Variants in ZNF169 observed in about 807,000 individuals in gnomAD.
ZNF169 encodes the protein zinc finger protein 169.
Under a neutral mutation model 12.0 loss-of-function variants are expected in ZNF169, and 11 were observed. That is an observed-to-expected ratio of 0.92 (90% CI 0.58 to 1.52). The LOEUF is 1.52. Among genes scored for constraint, ZNF169 ranks in the 40% most tolerant of loss-of-function variants. The pLI is 0.00. For missense variants in ZNF169, 722 were observed against 744.0 expected, an observed-to-expected ratio of 0.97 and a Z score of 0.34; for synonymous variants, 302 against 286.5, an observed-to-expected ratio of 1.05 and a Z score of -0.55.
At chr9:94,273,452 C>A (rs900435349) in intron 1 of ZNF169, among the ~76,000 whole-genome samples, 1 of 150,914 alleles carries the variant, frequency 6.6e-6, no homozygotes, top group African/African-American at 2.4e-5. Flanking sequence ...TTATTACTTC[C>A]TTTCTTCTTA....
At chr9:94,282,258 A>G (rs190567531) in intron 2 of ZNF169, among the ~76,000 whole-genome samples, 1 of 147,558 alleles carries the variant, frequency 6.8e-6, no homozygotes, top group African/African-American at 2.5e-5. Flanking sequence ...TTTGGGCAAG[A>G]TAAAAAAAAT....
chr9:94,300,357 T>G lies in ZNF169; in HGVS notation c.799T>G (p.Cys267Gly). The part of the protein sequence containing the change: ...TGEKPYLCPE[C>G]GRRFSQKASL... Reference sequence around the variant, plus strand: ...GGAGAAGCCATACCTGTGTCCTGAGTGTGGGCGTCGGTTTAGCCAGAAGGC... The same window carrying G: ...GGAGAAGCCATACCTGTGTCCTGAGGGTGGGCGTCGGTTTAGCCAGAAGGC... The change falls in exon 5 of 5, where the codon TGT becomes GGT. Residue 267 changes from cysteine (C) to glycine (G), a missense_variant. Transcript: ENST00000395395. The G allele has an allele frequency of 6.2e-7, 1 of 1,613,814 alleles. No homozygotes were observed. The highest frequency in any genetic ancestry group is 8.5e-7 in the Non-Finnish European group (1 of 1,179,934).
intron 1 of ZNF169, among the ~76,000 whole-genome samples, chr9:94,277,747 C>T (rs1037171611): frequency 2.4e-4 from 37 of 151,688 alleles, no homozygotes; most frequent in African/African-American, 8.5e-4. Flanking sequence ...CTGGCTAACA[C>T]AGTGAAACCC....
At position 94,279,264 on chromosome 9, in the gene ZNF169, G is replaced by A. The variant is rs185604634; in HGVS notation, c.33+419G>A. Among the ~76,000 whole-genome samples, 668 of 152,100 alleles carry A rather than the reference G, an allele frequency of 4.4e-3. 7 individuals carry two copies. Among genetic ancestry groups the A allele is most frequent in the South Asian group, 0.028 (134 of 4,818 alleles). On this transcript the variant is annotated intron_variant, in intron 2 of 4. Coordinates refer to ENST00000395395, the MANE Select transcript of ZNF169 (RefSeq NM_194320.4). ...AAATTAGCTGGGCGTGGTGGTGGGC[G>A]CCTGTAATCCCAGCTACTAGGGAGG...
At chr9:94,293,276 C>T (rs994348013) in intron 4 of ZNF169, 3 of 602,488 alleles carry the variant, frequency 5.0e-6, no homozygotes, top group African/African-American at 1.8e-5. Context: ...CTCCTTCCTC[C>T]ATCAGGGAGC....
chr9:94,279,189 C>G (rs988297495), intron 2 of ZNF169, among the ~76,000 whole-genome samples: 1 of 151,874 alleles, frequency 6.6e-6, no homozygotes, highest in Admixed American at 6.6e-5. Flanking sequence ...GTCAGGAGTT[C>G]GAGGGCAGCC....
At chr9:94,264,697 C>A (rs1272531197) in intron 1 of ZNF169, among the ~76,000 whole-genome samples, 1 of 152,094 alleles carries the variant, frequency 6.6e-6, no homozygotes, top group Non-Finnish European at 1.5e-5. Flanking sequence ...GTGTACAATT[C>A]GATGAGTTTT....
At position 94,292,434 on chromosome 9, in the gene ZNF169, A is replaced by G; in HGVS notation, c.127A>G (p.Met43Val). ...SAQRTLYREVMLENYSHLVSL... is the reference protein window; with the variant it reads ...SAQRTLYREVVLENYSHLVSL... ...TCAGAGGACCCTGTACAGGGAGGTG[A>G]TGCTGGAGAACTACAGCCATCTGGT... is the stretch of plus-strand genomic sequence containing the variant. The change falls in exon 3 of 5, where the codon ATG becomes GTG. Residue 43 changes from methionine (M) to valine (V), a missense_variant. Physicochemically the swap from Met to Val is conservative, Grantham distance 21. Transcript: ENST00000395395. 4.3e-6 allele frequency: 7 copies of G among 1,614,070 alleles called. No homozygotes were observed. The highest frequency in any genetic ancestry group is 5.1e-6 in the Non-Finnish European group (6 of 1,179,982).
intron 1 of ZNF169, among the ~76,000 whole-genome samples, chr9:94,277,366 G>C (rs193092960): frequency 2.2e-4 from 33 of 152,172 alleles, no homozygotes; most frequent in African/African-American, 6.5e-4. Flanking sequence ...TATATCTCTT[G>C]TATCTGGGAA....
intron 1 of ZNF169, among the ~76,000 whole-genome samples, chr9:94,270,263 G>A (rs150362594): frequency 2.4e-4 from 37 of 152,138 alleles, no homozygotes; most frequent in African/African-American, 7.7e-4. Flanking sequence ...CCTCATTCTT[G>A]CCAACACTGC....
At chr9:94,262,026 T>C (rs1461125714) in intron 1 of ZNF169, among the ~76,000 whole-genome samples, 1 of 152,224 alleles carries the variant, frequency 6.6e-6, no homozygotes, top group Non-Finnish European at 1.5e-5. Flanking sequence ...CTACAGATAT[T>C]TGTCCACTAC....
intron 4 of ZNF169, chr9:94,293,755 A>C (rs1020603065): frequency 6.5e-6 from 1 of 152,960 alleles, no homozygotes; most frequent in South Asian, 2.0e-4. Context: ...TTTTTTGTGC[A>C]TCATTTCTAT....
rs375625683 is a variant in ZNF169, at chr9:94,293,014, G to A, written c.201G>A (p.Glu67=). 42 of 1,613,430 alleles carry A rather than the reference G, an allele frequency of 2.6e-5. No individual in the cohort carries two copies. In the African/African-American group the frequency reaches 2.9e-4, roughly 11 times the overall value. Residue 67 remains glutamate, a synonymous_variant, in exon 4 of 5, where the codon GAG becomes GAA. Coordinates refer to ENST00000395395, the MANE Select transcript of ZNF169 (RefSeq NM_194320.4). ...FSKPKLIEQL[E]QGDEPWREEN... ...AACCAAAACTCATCGAACAGCTGGA[G>A]CAAGGCGACGAACCTTGGAGAGAGG...
At chr9:94,281,821 A>G (rs370747702) in intron 2 of ZNF169, among the ~76,000 whole-genome samples, 1 of 152,248 alleles carries the variant, frequency 6.6e-6, no homozygotes, top group Non-Finnish European at 1.5e-5. Context: ...TGGAATCAAT[A>G]GAAAGAAGAG....
At chr9:94,260,514 C>T (rs573289491) in intron 1 of ZNF169, among the ~76,000 whole-genome samples, 60 of 152,000 alleles carry the variant, frequency 3.9e-4, no homozygotes, top group African/African-American at 1.4e-3. Context: ...CCGTGCGACT[C>T]GGGTCAGTAG....
intron 2 of ZNF169, chr9:94,288,025 C>G: frequency 1.3e-6 from 1 of 777,600 alleles, no homozygotes; most frequent in Non-Finnish European, 2.3e-6. Flanking sequence ...TGGAATTCAT[C>G]AGTCTTGTAG....
At position 94,299,945 on chromosome 9, in the gene ZNF169, C is replaced by T; in HGVS notation, c.387C>T (p.Phe129=). The T allele has an allele frequency of 6.2e-7, 1 of 1,614,118 alleles. No homozygotes were observed. The highest frequency in any genetic ancestry group is 8.5e-7 in the Non-Finnish European group (1 of 1,180,030). The change falls in exon 5 of 5, where the codon TTC becomes TTT. Residue 129 remains phenylalanine, a synonymous_variant. Coordinates refer to ENST00000395395, the MANE Select transcript of ZNF169 (RefSeq NM_194320.4). ...CAAGCTCATCTGCAGGAGGTGACTT[C>T]CAACTAGAAGCTCCAAGATGCTCTA... ...IFPSSSAGGD[F]QLEAPRCSSE... is the part of the protein sequence containing the mutation.
At chr9:94,288,380 G>A in intron 2 of ZNF169, 1 of 1,240,680 alleles carries the variant, frequency 8.1e-7, no homozygotes. Flanking sequence ...TTGGTTTCCA[G>A]ACTGCCCGTC....
At chr9:94,264,864 T>C (rs559187273) in intron 1 of ZNF169, among the ~76,000 whole-genome samples, 2 of 152,160 alleles carry the variant, frequency 1.3e-5, no homozygotes, top group African/African-American at 4.8e-5. Flanking sequence ...TATTGTATTT[T>C]GTTGTATGAT....
Sources: gnomAD v4.1 joint callset for allele counts (sites outside exome capture counted in the v4.1 genomes callset) on GRCh38, gnomAD v4.1.1 for gene constraint, MANE v1.5 for transcripts, NCBI Gene and HGNC (gene_info 2026-07-23, HGNC 2026-07-21) for gene names.